The following TTC39B variants were observed in gnomAD, a reference collection of about 807,000 sequenced individuals.
The protein encoded by TTC39B is tetratricopeptide repeat protein 39B.
Under a neutral mutation model 96.6 loss-of-function variants are expected in TTC39B, and 92 were observed. That is an observed-to-expected ratio of 0.95 (90% CI 0.80 to 1.13). The LOEUF is 1.13. TTC39B is among the 50% of genes most tolerant of loss of function. The probability of loss-of-function intolerance (pLI) is 0.00; values close to 1 mark genes in which losing one functional copy is unlikely to be tolerated. For synonymous variants in TTC39B, 367 were observed against 299.4 expected, an observed-to-expected ratio of 1.23 and a Z score of -2.33; for missense variants, 955 against 809.3, an observed-to-expected ratio of 1.18 and a Z score of -2.18.
intron 1 of TTC39B, among the ~76,000 whole-genome samples, chr9:15,291,558 G>C (rs1587019936): frequency 6.6e-6 from 1 of 152,332 alleles, no homozygotes; most frequent in African/African-American, 2.4e-5. Flanking sequence ...CAAGAAAGCA[G>C]ATGATATGTA....
intron 7 of TTC39B, among the ~76,000 whole-genome samples, chr9:15,202,732 C>CAA (rs1174910569): frequency 2.3e-5 from 3 of 130,314 alleles, no homozygotes; most frequent in Non-Finnish European, 5.0e-5. Context: ...CCTCCCCCAC[C>CAA]AAAAAAAAAA....
intron 1 of TTC39B, among the ~76,000 whole-genome samples, chr9:15,292,608 T>A (rs888699087): frequency 6.6e-6 from 1 of 152,170 alleles, no homozygotes; most frequent in Non-Finnish European, 1.5e-5. Context: ...ATTGTTGTCA[T>A]AGGAGATGAC....
intron 1 of TTC39B, among the ~76,000 whole-genome samples, chr9:15,287,862 C>T (rs1035572332): frequency 1.7e-4 from 24 of 140,362 alleles, no homozygotes; most frequent in African/African-American, 5.0e-4. Context: ...AGGAGAATGG[C>T]GTGAACCCAG....
At chr9:15,192,815 T>A in intron 8 of TTC39B, 120 bp from the exon 9 acceptor site, 1 of 667,926 alleles carries the variant, frequency 1.5e-6, no homozygotes, top group Non-Finnish European at 2.5e-6. Flanking sequence ...ACCATCAAAA[T>A]TTTAAAGGAT....
intron 13 of TTC39B, among the ~76,000 whole-genome samples, chr9:15,189,116 T>C (rs4610848): frequency 6.6e-6 from 1 of 152,350 alleles, no homozygotes; most frequent in Admixed American, 6.5e-5. Flanking sequence ...TGAATGTATA[T>C]ACATAAATGG....
chr9:15,209,342 G>A (rs191542995), intron 6 of TTC39B, among the ~76,000 whole-genome samples: 49 of 152,212 alleles, frequency 3.2e-4, no homozygotes, highest in Admixed American at 7.9e-4. Flanking sequence ...TCAGGGTGCC[G>A]CAGCCAGCCA....
intron 1 of TTC39B, among the ~76,000 whole-genome samples, chr9:15,287,346 A>G (rs1348976424): frequency 1.3e-5 from 2 of 152,194 alleles, no homozygotes; most frequent in Non-Finnish European, 2.9e-5. Context: ...AGAACTGCCA[A>G]AATTAAGAAA....
exon 12 of TTC39B, chr9:15,189,750 G>A (rs907287702): frequency 1.2e-6 from 2 of 1,613,788 alleles, no homozygotes; most frequent in Non-Finnish European, 1.7e-6. Flanking sequence ...GAGGAAGGGT[G>A]CCAGGAGACG....
intron 3 of TTC39B, among the ~76,000 whole-genome samples, chr9:15,219,323 A>C (rs899495434): frequency 1.3e-5 from 2 of 152,148 alleles, no homozygotes; most frequent in Non-Finnish European, 2.9e-5. Context: ...AGAAGTGTCA[A>C]CCTGCCCCAA....
At chr9:15,189,523 G>A in intron 13 of TTC39B, 51 bp downstream of exon 13, 2 of 1,565,824 alleles carry the variant, frequency 1.3e-6, no homozygotes, top group Non-Finnish European at 1.8e-6. Context: ...GACTCATGTA[G>A]GAGTCGCCAT....
chr9:15,235,340 T>C (rs1274103162), intron 2 of TTC39B, among the ~76,000 whole-genome samples: 2 of 152,180 alleles, frequency 1.3e-5, no homozygotes, highest in African/African-American at 2.4e-5. Flanking sequence ...CTATGGCTTA[T>C]AGGCATTCCT....
rs1817537637 is a variant in TTC39B, at chr9:15,167,011, TATATATATATATATA to T, written c.*4993_*5007del. 2.5e-3 allele frequency: 23 copies of T among 9,272 alleles called. 2 individuals carry two copies. The highest frequency in any genetic ancestry group is 8.1e-3 in the South Asian group (2 of 246). The allele number at this position is 9,272 out of a possible 1,614,324, so 0.6% of individuals were successfully genotyped here. On this transcript the variant is annotated 3_prime_UTR_variant, in exon 20 of 20. Coordinates refer to ENST00000512701, the Ensembl canonical transcript of TTC39B. ...ATATATATATATATATATATATATA[TATATATATATATATA>T]TATTTTTTTTTTTTTTTTTTTTTTT... is the stretch of plus-strand genomic sequence containing the variant.
At chr9:15,202,886 A>G (rs2131315296) in intron 7 of TTC39B, among the ~76,000 whole-genome samples, 1 of 152,328 alleles carries the variant, frequency 6.6e-6, no homozygotes, top group South Asian at 2.1e-4. Flanking sequence ...GTTTTACAGA[A>G]GCATTGGAAG....
chr9:15,257,575 A>C lies in TTC39B; in HGVS notation c.275+10339T>G, dbSNP rs148776609. ...ATGATCCTCTCATCTCAGCCTCCCA[A>C]GTAGCTGGAACTACAGATGTGTCAC... On this transcript the variant is annotated intron_variant, in intron 2 of 19. Transcript: ENST00000512701. Among the ~76,000 whole-genome samples, 1,006 of 152,122 alleles carry C rather than the reference A, an allele frequency of 6.6e-3. 2 individuals are homozygous for C. Among genetic ancestry groups the C allele is most frequent in the Middle Eastern group, 0.014 (4 of 294 alleles).
At chr9:15,287,920 TG>T (rs1824032560) in intron 1 of TTC39B, among the ~76,000 whole-genome samples, 1 of 119,206 alleles carries the variant, frequency 8.4e-6, no homozygotes, top group Non-Finnish European at 1.6e-5. Flanking sequence ...CACTCCAGCC[TG>T]GGCGACAGGG....
chr9:15,250,223 G>T (rs1822472146), intron 2 of TTC39B: 1 of 1,096,284 alleles, frequency 9.1e-7, no homozygotes, highest in Non-Finnish European at 1.1e-6. Flanking sequence ...GCTTCTGCAG[G>T]AAGGGATGCC....
At chr9:15,218,040 TC>T (rs1454352317) in intron 3 of TTC39B, among the ~76,000 whole-genome samples, 2 of 151,818 alleles carry the variant, frequency 1.3e-5, no homozygotes, top group Non-Finnish European at 2.9e-5. Flanking sequence ...AAACCCCGTC[TC>T]TACTCAAAAT....
intron 2 of TTC39B, among the ~76,000 whole-genome samples, chr9:15,239,477 A>G (rs1821941569): frequency 6.6e-6 from 1 of 152,228 alleles, no homozygotes. Flanking sequence ...TATGTTTATC[A>G]CAGTACTATT....
intron 1 of TTC39B, among the ~76,000 whole-genome samples, chr9:15,271,921 C>T (rs114530009): frequency 0.034 from 5,127 of 152,166 alleles, 283 homozygotes; most frequent in African/African-American, 0.12. Context: ...TACTTGGACC[C>T]GGAGATGGCC....
Sources: gnomAD v4.1 joint callset for allele counts (sites outside exome capture counted in the v4.1 genomes callset) on GRCh38, gnomAD v4.1.1 for gene constraint, MANE v1.5 for transcripts, NCBI Gene and HGNC (gene_info 2026-07-23, HGNC 2026-07-21) for gene names.